THSD4: variants seen among roughly 807,000 people sequenced by gnomAD.
THSD4 encodes thrombospondin type 1 domain containing 4, also known as thrombospondin type-1 domain-containing protein 4.
In THSD4, 69 loss-of-function variants were observed where a neutral mutation model predicts 119.0. The observed-to-expected ratio is 0.58, with a 90% CI of 0.48 to 0.71. The LOEUF (loss-of-function observed/expected upper bound fraction) is 0.71. Ranked by LOEUF, THSD4 falls within the 30% of genes least tolerant of loss-of-function variation. THSD4 has a pLI of 0.00. For synonymous variants in THSD4, 524 were observed against 540.4 expected (o/e 0.97, Z 0.42); for missense variants, 1,393 against 1,391.1 (o/e 1.00, Z -0.02).
chr15:71,630,122 A>G (rs1413439267), intron 7 of THSD4, among the ~76,000 whole-genome samples: 1 of 152,210 alleles, frequency 6.6e-6, no homozygotes, highest in Non-Finnish European at 1.5e-5. Flanking sequence ...CTATCTAACT[A>G]CACTCTAAAG....
Position 71,758,001 on chromosome 15 carries a change from C to A in THSD4, c.2515C>A (p.Pro839Thr). The A allele has an allele frequency of 6.2e-7, 1 of 1,613,768 alleles. No homozygotes were observed. The highest frequency in any genetic ancestry group is 8.5e-7 in the Non-Finnish European group (1 of 1,179,878). ...CCTGGAGGGCTGTGGGAACAACCGG[C>A]CGGCAGAGGCCACCCCATGTGACAA... is the stretch of plus-strand genomic sequence containing the variant. The part of the protein sequence containing the change: ...LPLEGCGNNR[P>T]AEATPCDNGP... The change falls in exon 15 of 18, where the codon CCG becomes ACG. Residue 839 changes from proline (P) to threonine (T), a missense_variant. By Grantham distance (38) the Pro-to-Thr change is conservative (BLOSUM62 -1). Coordinates refer to ENST00000261862, the MANE Select transcript of THSD4 (RefSeq NM_024817.3).
intron 6 of THSD4, among the ~76,000 whole-genome samples, chr15:71,352,912 C>G (rs758599950): frequency 3.3e-5 from 5 of 152,224 alleles, no homozygotes. Context: ...AAGGGAGCAT[C>G]GTGAGCAATG....
chr15:71,737,911 A>G lies in THSD4; in HGVS notation c.1810A>G (p.Asn604Asp). Residue 604 changes from asparagine (N) to aspartate (D), a missense_variant, in exon 11 of 18, where the codon AAC becomes GAC. Physicochemically the swap from Asn to Asp is conservative, Grantham distance 23 (BLOSUM62 1). Coordinates refer to ENST00000261862, the MANE Select transcript of THSD4 (RefSeq NM_024817.3). ...CAGATTTTCTCCCCATCGACCGGAC[A>G]ACTTGGTGCCACCAGCACCGCAGCC... ...PDRFSPHRPD[N>D]LVPPAPQPPR... 6.2e-7 allele frequency: 1 copy of G among 1,614,256 alleles called. No homozygotes were observed. Among genetic ancestry groups the G allele is most frequent in the Middle Eastern group, 1.6e-4 (1 of 6,062 alleles).
chr15:71,716,747 T>G (rs2052618990), intron 8 of THSD4, among the ~76,000 whole-genome samples: 1 of 152,074 alleles, frequency 6.6e-6, no homozygotes, highest in Admixed American at 6.6e-5. Flanking sequence ...AGGGCCTTTT[T>G]CCCTCAAACC....
At chr15:71,399,114 G>C (rs1785789587) in intron 6 of THSD4, among the ~76,000 whole-genome samples, 2 of 152,018 alleles carry the variant, frequency 1.3e-5, no homozygotes, top group Non-Finnish European at 2.9e-5. Flanking sequence ...TTGGGTTCCA[G>C]AGTGGAGTAG....
At chr15:71,108,779 C>G (rs957359910) in intron 1 of THSD4, among the ~76,000 whole-genome samples, 1 of 152,178 alleles carries the variant, frequency 6.6e-6, no homozygotes, top group Non-Finnish European at 1.5e-5. Flanking sequence ...ATCATGAGGT[C>G]AAGCGATGGA....
intron 6 of THSD4, among the ~76,000 whole-genome samples, chr15:71,409,186 T>C (rs528920490): frequency 6.7e-6 from 1 of 148,926 alleles, no homozygotes; most frequent in Admixed American, 6.7e-5. Context: ...TTCTGCAGTA[T>C]GGTTGCAAAT....
chr15:71,188,821 C>G (rs148776297), intron 3 of THSD4: 1 of 152,692 alleles, frequency 6.5e-6, no homozygotes, highest in African/African-American at 2.4e-5. Flanking sequence ...CTTACAGGAG[C>G]AGGCTGTGCA....
intron 6 of THSD4, among the ~76,000 whole-genome samples, chr15:71,354,808 A>G (rs2045787391): frequency 6.6e-6 from 1 of 152,234 alleles, no homozygotes; most frequent in African/African-American, 2.4e-5. Context: ...ATCACTGTCC[A>G]GACAAGATGT....
At chr15:71,358,397 T>G (rs949382352) in intron 6 of THSD4, among the ~76,000 whole-genome samples, 5 of 152,222 alleles carry the variant, frequency 3.3e-5, no homozygotes, top group Non-Finnish European at 7.3e-5. Flanking sequence ...AAGATAGGAC[T>G]TGGGGCAGCC....
intron 6 of THSD4, among the ~76,000 whole-genome samples, chr15:71,366,892 C>T (rs771509103): frequency 6.6e-6 from 1 of 152,168 alleles, no homozygotes; most frequent in African/African-American, 2.4e-5. Context: ...CTCAGTGAAG[C>T]GCCCTTCTCA....
chr15:71,462,622 A>G (rs746056106), intron 7 of THSD4, among the ~76,000 whole-genome samples: 1 of 152,250 alleles, frequency 6.6e-6, no homozygotes, highest in Non-Finnish European at 1.5e-5. Flanking sequence ...ATCTCTGCAT[A>G]TCTTCTGACC....
rs758471223 is a variant in THSD4, at chr15:71,341,330, C to T, written c.1016-70357C>T. The T allele has an allele frequency of 2.9e-5, 46 of 1,605,620 alleles. No individual in the cohort carries two copies. In the African/African-American group the frequency reaches 4.7e-4, roughly 16 times the overall value. The stretch of plus-strand genomic sequence containing the variant: ...AATCCGACCATGAGCTCTGTAGGTC[C>T]GGCGGTGCATCTTAGGTGCTTTGTT... On this transcript the variant is annotated intron_variant, in intron 6 of 17. Transcript: ENST00000261862.
intron 7 of THSD4, among the ~76,000 whole-genome samples, chr15:71,473,244 G>C (rs539692193): frequency 1.5e-4 from 23 of 152,136 alleles, no homozygotes; most frequent in African/African-American, 5.1e-4. Flanking sequence ...TTTTTGTAGA[G>C]ATAGGGTTTT....
Position 71,488,415 on chromosome 15 carries a change from T to C in THSD4, c.1152+76592T>C, listed in dbSNP as rs7178212. Among the ~76,000 whole-genome samples, 993 of 152,338 alleles carry C rather than the reference T, an allele frequency of 6.5e-3. 10 individuals are homozygous for C. Among genetic ancestry groups the C allele is most frequent in the African/African-American group, 0.023 (956 of 41,572 alleles). On this transcript the variant is annotated intron_variant, in intron 7 of 17. Transcript: ENST00000261862. The stretch of plus-strand genomic sequence containing the variant: ...CATTTTTGAAATCTTTGTTGCATGA[T>C]GTTATTGCTCACGTCAGAAAACTTA...
At chr15:71,342,667 C>T (rs991349330) in intron 6 of THSD4, 5 of 152,426 alleles carry the variant, frequency 3.3e-5, no homozygotes, top group Non-Finnish European at 7.3e-5. Context: ...CTGACATGTT[C>T]GTCCTTGTTC....
chr15:71,665,287 C>A (rs1015500952), intron 8 of THSD4, among the ~76,000 whole-genome samples: 1 of 152,050 alleles, frequency 6.6e-6, no homozygotes, highest in Non-Finnish European at 1.5e-5. Flanking sequence ...GCCATACATA[C>A]GTCATCTTTT....
At chr15:71,742,425 T>C (rs1190154818) in intron 11 of THSD4, among the ~76,000 whole-genome samples, 5 of 152,074 alleles carry the variant, frequency 3.3e-5, no homozygotes, top group Non-Finnish European at 7.4e-5. Flanking sequence ...CTCTCTTCCA[T>C]AATGTCCCAC....
chr15:71,442,474 C>T (rs2047111102), intron 7 of THSD4, among the ~76,000 whole-genome samples: 1 of 146,360 alleles, frequency 6.8e-6, no homozygotes, highest in South Asian at 2.2e-4. Flanking sequence ...GAGGCTGAGG[C>T]AGAAGAATCG....
Sources: gnomAD v4.1 joint callset for allele counts (sites outside exome capture counted in the v4.1 genomes callset) on GRCh38, gnomAD v4.1.1 for gene constraint, MANE v1.5 for transcripts, NCBI Gene and HGNC (gene_info 2026-07-23, HGNC 2026-07-21) for gene names.